Variants in KIF11 observed in about 807,000 individuals in gnomAD.
The protein encoded by KIF11 is kinesin family member 11.
In KIF11, 9 loss-of-function variants were observed where a neutral mutation model predicts 121.0. The ratio of observed to expected loss-of-function variants is 0.07; its 90% CI spans 0.04 to 0.13. The LOEUF is 0.13. KIF11 is among the 10% of genes least tolerant of loss of function. The pLI is 1.00. For synonymous variants in KIF11, 408 were observed against 421.0 expected (o/e 0.97, Z 0.38); for missense variants, 846 against 1,217.5 (o/e 0.69, Z 4.54).
chr10:92,649,984 C>G lies in KIF11; in HGVS notation c.2920C>G (p.Pro974Ala). 6.2e-7 allele frequency: 1 copy of G among 1,605,256 alleles called. No individual in the cohort carries two copies. The highest frequency in any genetic ancestry group is 8.5e-7 in the Non-Finnish European group (1 of 1,173,350). ...CSENNKEETI[P>A]DVDVEEAVLG... Reference sequence around the variant, plus strand: ...AGAAAACAACAAAGAAGAGACAATTCCGGTAAATTTAAAGGATCATATTTT... The same window carrying G: ...AGAAAACAACAAAGAAGAGACAATTGCGGTAAATTTAAAGGATCATATTTT... Residue 974 changes from proline (P) to alanine (A), a missense_variant and splice_region_variant, in exon 20 of 22, where the codon CCG (proline) becomes GCG (alanine). Pro to Ala is a conservative substitution (Grantham distance 27). This residue lies in a region of KIF11 where 492 missense variants were observed against 603.4 expected (regional missense o/e 0.82). Transcript: ENST00000260731.
chr10:92,632,920 G>C (rs1180515172), intron 13 of KIF11, among the ~76,000 whole-genome samples: 3 of 144,410 alleles, frequency 2.1e-5, no homozygotes, highest in Middle Eastern at 6.9e-3. Context: ...CATTTATTAA[G>C]TAACTAAGTA....
rs182166614 is a variant in KIF11, at chr10:92,648,957, G to T, written c.2770+523G>T. Among the ~76,000 whole-genome samples the T allele has an allele frequency of 2.2e-4, 34 of 152,262 alleles. 1 individual carries two copies. The highest frequency in any genetic ancestry group is 4.9e-4 in the Non-Finnish European group (33 of 68,020). On this transcript the variant is annotated intron_variant, in intron 19 of 21. Transcript: ENST00000260731. ...ATTATAGGCTGTAATGATTCAGGGA[G>T]GTCTTCATGGAAGAGATGTAACAAG...
At chr10:92,630,001 ATC>A (rs1263982387) in intron 11 of KIF11, among the ~76,000 whole-genome samples, 173 bp from the exon 12 acceptor site, 3 of 152,354 alleles carry the variant, frequency 2.0e-5, no homozygotes, top group African/African-American at 7.2e-5. Context: ...CTATTATTTA[ATC>A]TCAAAGTGTT....
At chr10:92,629,399 T>C (rs1283849195) in intron 11 of KIF11, among the ~76,000 whole-genome samples, 2 of 152,206 alleles carry the variant, frequency 1.3e-5, no homozygotes, top group Admixed American at 6.5e-5. Context: ...TGACAGCTTA[T>C]ATTAATAAAA....
At chr10:92,598,826 G>C (rs1164599935) in intron 1 of KIF11, among the ~76,000 whole-genome samples, 2 of 152,112 alleles carry the variant, frequency 1.3e-5, no homozygotes, top group Non-Finnish European at 2.9e-5. Flanking sequence ...TGTCCAGGCT[G>C]GAGTGCAGTG....
intron 1 of KIF11, among the ~76,000 whole-genome samples, chr10:92,605,987 A>G (rs1233097129): frequency 6.6e-6 from 1 of 152,188 alleles, no homozygotes; most frequent in Non-Finnish European, 1.5e-5. Flanking sequence ...CTCTACCATC[A>G]AAACAAAACA....
chr10:92,639,677 G>T (rs1844844398), intron 16 of KIF11, 117 bp from the exon 17 acceptor site: 7 of 583,566 alleles, frequency 1.2e-5, no homozygotes, highest in East Asian at 8.9e-5. Context: ...TTTATCTCTT[G>T]TCAAGAATTT....
intron 1 of KIF11, among the ~76,000 whole-genome samples, chr10:92,603,326 C>T (rs770679956): frequency 1.9e-4 from 25 of 132,260 alleles, no homozygotes; most frequent in African/African-American, 3.4e-4. Flanking sequence ...AGTGCAGTGG[C>T]GCATTCTTGG....
At chr10:92,614,248 C>T (rs1844529895) in intron 8 of KIF11, among the ~76,000 whole-genome samples, 1 of 151,988 alleles carries the variant, frequency 6.6e-6, no homozygotes, top group African/African-American at 2.4e-5. Context: ...AGGCACCTGC[C>T]ACCACGCCCA....
At chr10:92,608,395 A>G (rs1844453979) in intron 4 of KIF11, among the ~76,000 whole-genome samples, 1 of 152,110 alleles carries the variant, frequency 6.6e-6, no homozygotes, top group Non-Finnish European at 1.5e-5. Context: ...CATAGGAGAT[A>G]TGGAATAGGC....
intron 21 of KIF11, 125 bp from the exon 22 acceptor site, chr10:92,653,540 C>A: frequency 2.5e-6 from 2 of 810,380 alleles, no homozygotes; most frequent in Admixed American, 2.9e-5. Flanking sequence ...TGTGCTGAAC[C>A]TTTTTTGGTT....
intron 18 of KIF11, among the ~76,000 whole-genome samples, chr10:92,646,915 G>A (rs1844926480): frequency 6.6e-6 from 1 of 152,158 alleles, no homozygotes; most frequent in South Asian, 2.1e-4. Flanking sequence ...AAATGGAGAA[G>A]AAATGATAGA....
chr10:92,639,878 A>C lies in KIF11; in HGVS notation c.2245A>C (p.Ser749Arg), dbSNP rs770256105. 1.9e-6 allele frequency: 3 copies of C among 1,595,002 alleles called. No homozygotes were observed. The highest frequency in any genetic ancestry group is 1.7e-6 in the Non-Finnish European group (2 of 1,163,788). ...KCENIQKPLS[S>R]VQENIQQKSK... ...TGAAAATATACAGAAACCACTTAGTAGTGTCCAGGAAAATATACAGCAGTA... is the reference window on the plus strand; with the variant it reads ...TGAAAATATACAGAAACCACTTAGTCGTGTCCAGGAAAATATACAGCAGTA... Residue 749 changes from serine (S) to arginine (R), a missense_variant, in exon 17 of 22, where the codon AGT (serine) becomes CGT (arginine). By Grantham distance (110) the Ser-to-Arg change is moderately radical. Around this residue, in one of 5 missense-constraint regions of KIF11, gnomAD observed 492 missense variants for 603.4 expected, o/e 0.82. Transcript: ENST00000260731.
In KIF11 at chr10:92,637,996, T is replaced by A. The variant is rs531004867; in HGVS notation, c.2160+451T>A. Reference sequence around the variant, plus strand: ...TAAAACATAGTAAATCGATACAACTTTTAATTCTTATTGATTATAAATGTA... The same window carrying A: ...TAAAACATAGTAAATCGATACAACTATTAATTCTTATTGATTATAAATGTA... On this transcript the variant is annotated intron_variant, in intron 16 of 21. Coordinates refer to ENST00000260731, the MANE Select transcript of KIF11 (RefSeq NM_004523.4). Among the ~76,000 whole-genome samples the A allele has an allele frequency of 3.3e-5, 5 of 152,312 alleles. No homozygotes were observed. In the South Asian group the frequency reaches 1.0e-3, roughly 32 times the overall value.
At chr10:92,622,167 C>A (rs930813675) in intron 10 of KIF11, among the ~76,000 whole-genome samples, 16 of 152,106 alleles carry the variant, frequency 1.1e-4, no homozygotes, top group Non-Finnish European at 2.1e-4. Context: ...ATAGCTACTC[C>A]AGAGGCTGAG....
At chr10:92,602,965 C>A (rs1844390560) in intron 1 of KIF11, among the ~76,000 whole-genome samples, 2 of 151,494 alleles carry the variant, frequency 1.3e-5, no homozygotes, top group African/African-American at 4.8e-5. Context: ...AGCGATTCTC[C>A]TGTCTCAGCC....
chr10:92,645,545 A>G lies in KIF11; in HGVS notation c.2450A>G (p.Gln817Arg). 6.2e-7 allele frequency: 1 copy of G among 1,613,398 alleles called. No individual in the cohort carries two copies. Among genetic ancestry groups the G allele is most frequent in the Admixed American group, 1.7e-5 (1 of 60,030 alleles). ...NLEKISQETEQRCESLNTRTV... is the reference protein window; with the variant it reads ...NLEKISQETERRCESLNTRTV... Reference sequence around the variant, plus strand: ...GAAAAAATATCTCAAGAGACTGAACAGAGATGTGAATCTCTGAACACAAGA... The same window carrying G: ...GAAAAAATATCTCAAGAGACTGAACGGAGATGTGAATCTCTGAACACAAGA... The change falls in exon 18 of 22, where the codon CAG (glutamine) becomes CGG (arginine). Residue 817 changes from glutamine (Q) to arginine (R), a missense_variant. Gln to Arg is a conservative substitution (Grantham distance 43, BLOSUM62 1). Coordinates refer to ENST00000260731, the MANE Select transcript of KIF11 (RefSeq NM_004523.4).
chr10:92,617,272 G>A (rs1473707148), intron 9 of KIF11, among the ~76,000 whole-genome samples: 1 of 152,104 alleles, frequency 6.6e-6, no homozygotes, highest in Non-Finnish European at 1.5e-5. Context: ...CCTGCTTTCT[G>A]TCTACAGATT....
At chr10:92,599,170 A>G (rs754639881) in intron 1 of KIF11, among the ~76,000 whole-genome samples, 5 of 152,036 alleles carry the variant, frequency 3.3e-5, no homozygotes, top group Non-Finnish European at 5.9e-5. Flanking sequence ...GCTATTTTAA[A>G]TTGAGTTGTT....
Sources: allele counts gnomAD v4.1 joint callset (sites outside exome capture counted in the v4.1 genomes callset), GRCh38; gene constraint gnomAD v4.1.1; regional missense constraint gnomAD v4.1.1; transcripts MANE v1.5; gene names NCBI Gene and HGNC (gene_info 2026-07-23, HGNC 2026-07-21).